The following DPYD variants were observed in gnomAD, a reference collection of about 807,000 sequenced individuals.
The protein encoded by DPYD is dihydropyrimidine dehydrogenase.
Under a neutral mutation model 116.2 loss-of-function variants are expected in DPYD, and 109 were observed. The observed-to-expected ratio is 0.94, with a 90% confidence interval of 0.80 to 1.10. The LOEUF (loss-of-function observed/expected upper bound fraction) is 1.10, where lower values mean the gene tolerates loss of function less well. Ranked by LOEUF, DPYD falls within the 50% of genes least tolerant of loss-of-function variation. The pLI, the probability that DPYD is intolerant of heterozygous loss-of-function variation, is 0.00. For synonymous variants in DPYD, 440 were observed against 432.0 expected (o/e 1.02, Z -0.23); for missense variants, 1,302 against 1,254.5 (o/e 1.04, Z -0.57).
intron 8 of DPYD, among the ~76,000 whole-genome samples, chr1:97,675,358 C>T (rs1660084417): frequency 6.6e-6 from 1 of 152,158 alleles, no homozygotes; most frequent in South Asian, 2.1e-4. Flanking sequence ...GACTCAATTA[C>T]TGTGAAGATA....
chr1:97,173,187 T>C (rs1373789078), intron 20 of DPYD, among the ~76,000 whole-genome samples: 3 of 147,506 alleles, frequency 2.0e-5, no homozygotes, highest in Non-Finnish European at 3.0e-5. Flanking sequence ...TATACATATA[T>C]ATGTGTATAT....
intron 12 of DPYD, chr1:97,546,532 C>G: frequency 6.3e-7 from 1 of 1,595,688 alleles, no homozygotes; most frequent in Non-Finnish European, 8.6e-7. Flanking sequence ...AGAATTACTA[C>G]AAAGCATACA....
At chr1:97,084,124 C>A (rs1028467603) in intron 21 of DPYD, among the ~76,000 whole-genome samples, 1 of 152,052 alleles carries the variant, frequency 6.6e-6, no homozygotes, top group East Asian at 1.9e-4. Flanking sequence ...ATTCAAAAAT[C>A]TGTTGAATTA....
At chr1:97,407,041 T>C (rs1283564682) in intron 14 of DPYD, among the ~76,000 whole-genome samples, 7 of 152,340 alleles carry the variant, frequency 4.6e-5, no homozygotes, top group African/African-American at 1.7e-4. Flanking sequence ...AATGTGTTAT[T>C]ATGCATTTAT....
chr1:97,152,344 T>C (rs1172093868), intron 20 of DPYD, among the ~76,000 whole-genome samples: 2 of 151,972 alleles, frequency 1.3e-5, no homozygotes, highest in African/African-American at 2.4e-5. Flanking sequence ...TGGAGTGAGA[T>C]TTGCAGTCAA....
intron 13 of DPYD, among the ~76,000 whole-genome samples, chr1:97,461,788 A>T (rs1677048728): frequency 6.6e-6 from 1 of 152,234 alleles, no homozygotes; most frequent in Non-Finnish European, 1.5e-5. Context: ...ATTATGTCCT[A>T]CAGCACTTAG....
intron 18 of DPYD, among the ~76,000 whole-genome samples, chr1:97,273,305 G>A (rs959766283): frequency 5.3e-5 from 8 of 152,220 alleles, no homozygotes; most frequent in South Asian, 2.1e-4. Context: ...AGGGTGAAAC[G>A]CAATATTTTC....
chr1:97,708,066 T>C (rs1011996316), intron 5 of DPYD, among the ~76,000 whole-genome samples: 1 of 152,042 alleles, frequency 6.6e-6, no homozygotes, highest in African/African-American at 2.4e-5. Flanking sequence ...CTCAAACTCC[T>C]GCATTCAAGC....
intron 20 of DPYD, among the ~76,000 whole-genome samples, chr1:97,176,905 G>GT (rs1657321824): frequency 1.0e-5 from 1 of 95,240 alleles, no homozygotes; most frequent in African/African-American, 3.4e-5. Flanking sequence ...TGTAGGGGGG[G>GT]TGTCCTAAAA....
intron 15 of DPYD, among the ~76,000 whole-genome samples, chr1:97,377,953 T>A (rs1208698353): frequency 6.6e-6 from 1 of 152,160 alleles, no homozygotes; most frequent in Non-Finnish European, 1.5e-5. Context: ...AGAGCTCAAG[T>A]AGGGTGAGAA....
At chr1:97,182,981 CTTGAG>C (rs1438230565) in intron 20 of DPYD, among the ~76,000 whole-genome samples, 3 of 152,080 alleles carry the variant, frequency 2.0e-5, no homozygotes, top group East Asian at 1.9e-4. Flanking sequence ...CAATCTGTGA[CTTGAG>C]TTTTTATTTT....
rs375490078 is a variant in DPYD, at chr1:97,257,452, T to TATAGAGAGAGAGAGAGAG, written c.2300-22459_2300-22458insCTCTCTCTCTCTCTCTAT. ...ATACATACGTATATATATATATATA[T>TATAGAGAGAGAGAGAGAG]AGAGAGAGAGAAAGAGAGAGAGAGC... is the stretch of plus-strand genomic sequence containing the variant. On this transcript the variant is annotated intron_variant, in intron 18 of 22. Coordinates refer to ENST00000370192, the MANE Select transcript of DPYD (RefSeq NM_000110.4). Among the ~76,000 whole-genome samples the TATAGAGAGAGAGAGAGAG allele has an allele frequency of 7.4e-3, 934 of 126,340 alleles. 9 individuals carry two copies. Among genetic ancestry groups the TATAGAGAGAGAGAGAGAG allele is most frequent in the African/African-American group, 0.021 (652 of 31,714 alleles). 82.9% of individuals were successfully genotyped at this position (126,340 alleles called of 152,430 possible). A position where few individuals can be genotyped will look rare whatever the true frequency, so the allele number is the denominator to read the frequency against.
chr1:97,582,638 A>G (rs1266796092), intron 10 of DPYD, among the ~76,000 whole-genome samples: 1 of 152,222 alleles, frequency 6.6e-6, no homozygotes, highest in Non-Finnish European at 1.5e-5. Context: ...AATTAGGCAA[A>G]AAAAGTTTGC....
chr1:97,674,203 A>C (rs1660021662), intron 8 of DPYD, among the ~76,000 whole-genome samples: 1 of 152,146 alleles, frequency 6.6e-6, no homozygotes, highest in African/African-American at 2.4e-5. Context: ...AGCAAGAAGT[A>C]AGTTCAAGGA....
intron 16 of DPYD, among the ~76,000 whole-genome samples, chr1:97,368,782 A>T (rs1671169808): frequency 6.6e-6 from 1 of 152,202 alleles, no homozygotes; most frequent in South Asian, 2.1e-4. Flanking sequence ...ATGAGCACAT[A>T]TTCTTAGTCA....
intron 3 of DPYD, among the ~76,000 whole-genome samples, chr1:97,782,830 T>C (rs1388223521): frequency 2.6e-5 from 4 of 152,214 alleles, no homozygotes; most frequent in South Asian, 4.1e-4. Context: ...TTGTTACTTT[T>C]GTCTGTAGGA....
chr1:97,622,732 A>T (rs1656703542), intron 8 of DPYD, among the ~76,000 whole-genome samples: 1 of 152,100 alleles, frequency 6.6e-6, no homozygotes, highest in African/African-American at 2.4e-5. Context: ...CTGTTCTAAA[A>T]TAAAAAAGTT....
chr1:97,663,532 T>C (rs191257387), intron 8 of DPYD, among the ~76,000 whole-genome samples: 1 of 152,218 alleles, frequency 6.6e-6, no homozygotes, highest in South Asian at 2.1e-4. Flanking sequence ...TTGCTTGAAT[T>C]ATTCCAATAG....
At position 97,814,924 on chromosome 1, in the gene DPYD, AAGAG is replaced by A. The variant is rs202011439; in HGVS notation, c.233+13186_233+13189del. The stretch of plus-strand genomic sequence containing the variant: ...GTCTCAAAAAAAAAAAAAAAAAAGA[AAGAG>A]AGAGGAAAGAAAGAAAGAAAGAAAG... On this transcript the variant is annotated intron_variant, in intron 3 of 22. Transcript: ENST00000370192. Among the ~76,000 whole-genome samples the A allele has an allele frequency of 3.6e-3, 62 of 17,022 alleles. 1 individual carries two copies. The East Asian group carries it at 0.08, about 22-fold the overall frequency. The allele number at this position is 17,022 out of a possible 152,430, so 11.2% of individuals were successfully genotyped here.
Sources: allele counts gnomAD v4.1 joint callset (sites outside exome capture counted in the v4.1 genomes callset), GRCh38; gene constraint gnomAD v4.1.1; transcripts MANE v1.5; gene names NCBI Gene and HGNC (gene_info 2026-07-23, HGNC 2026-07-21).